PGM3: variants seen among roughly 807,000 people sequenced by gnomAD.
The protein encoded by PGM3 is phosphoglucomutase 3.
In PGM3, 40 loss-of-function variants were observed where a neutral mutation model predicts 66.2. That is an observed-to-expected ratio of 0.60 (90% CI 0.47 to 0.79). The LOEUF (loss-of-function observed/expected upper bound fraction) is 0.79, where lower values mean the gene tolerates loss of function less well. PGM3 is among the 30% of genes least tolerant of loss of function. The pLI is 0.00. For synonymous variants in PGM3, 191 were observed against 224.2 expected (o/e 0.85, Z 1.32); for missense variants, 537 against 643.4 (o/e 0.83, Z 1.79).
At position 83,168,638 on chromosome 6, in the gene PGM3, CTG is replaced by C. The variant is rs1243949960; in HGVS notation, c.*594_*595del. 9.0e-6 allele frequency: 9 copies of C among 996,646 alleles called. 1 individual carries two copies. In the Admixed American group the frequency reaches 1.7e-4, roughly 18 times the overall value. 61.7% of individuals were successfully genotyped at this position (996,646 alleles called of 1,614,324 possible). On this transcript the variant is annotated 3_prime_UTR_variant, in exon 13 of 13. Transcript: ENST00000513973. ...CTTCACCAAGAGCAGTGAAGAATAA[CTG>C]AAGGCTGGACCATGCATCCTTAAAA...
downstream of PGM3, chr6:83,158,745 A>G (rs1783450210): frequency 2.8e-6 from 2 of 712,434 alleles, no homozygotes; most frequent in Non-Finnish European, 4.6e-6. Context: ...TATCTAATTG[A>G]TTACGTTTGG....
rs371647738 is a variant in PGM3, at chr6:83,181,559, A to G, written c.787+177T>C. Among the ~76,000 whole-genome samples, 5 of 152,330 alleles carry G rather than the reference A, an allele frequency of 3.3e-5. No individual in the cohort carries two copies. In the East Asian group the frequency reaches 7.7e-4, roughly 23 times the overall value. ...ATGAGGAATGGTGTGATTTACAGGC[A>G]GAGAGAGCAGACCATGTTTCAATGG... On this transcript the variant is annotated intron_variant, in intron 6 of 12. Transcript: ENST00000513973.
At chr6:83,163,126 G>T (rs966622033), downstream of PGM3, among the ~76,000 whole-genome samples, 5 of 152,090 alleles carry the variant, frequency 3.3e-5, no homozygotes, top group Admixed American at 3.3e-4. Context: ...GGAATATGCG[G>T]TTATTCATTT....
chr6:83,152,050 T>C, the PGM3 span: 48 of 1,613,122 alleles, frequency 3.0e-5, no homozygotes, highest in Non-Finnish European at 3.8e-5. Flanking sequence ...AACATTTAGG[T>C]TTATTATCTG....
chr6:83,152,263 A>G, the PGM3 span: 19 of 1,405,760 alleles, frequency 1.4e-5, 1 homozygote, highest in South Asian at 3.9e-5. Context: ...AATTAGCCAT[A>G]TCTTTAATTT....
the PGM3 span, among the ~76,000 whole-genome samples, chr6:83,155,282 C>G: frequency 7.6e-5 from 11 of 145,078 alleles, no homozygotes; most frequent in Non-Finnish European, 1.5e-4. Flanking sequence ...GACAAAATAG[C>G]GAGACCCCAG....
Position 83,167,749 on chromosome 6 carries a change from A to G in PGM3, c.*1485T>C. 1 of 1,449,168 alleles carries G rather than the reference A, an allele frequency of 6.9e-7. No individual in the cohort carries two copies. Among genetic ancestry groups the G allele is most frequent in the Non-Finnish European group, 9.1e-7 (1 of 1,101,940 alleles). The allele number at this position is 1,449,168 out of a possible 1,614,324, so 89.8% of individuals were successfully genotyped here. On this transcript the variant is annotated 3_prime_UTR_variant, in exon 13 of 13. Transcript: ENST00000513973. ...GATCAGGTCAGGAGTTAGAAACTTA[A>G]TGTCATTTGTATTCATTTCTTGACC...
chr6:83,160,731 T>C (rs1003940107), downstream of PGM3, among the ~76,000 whole-genome samples: 2 of 152,172 alleles, frequency 1.3e-5, no homozygotes, highest in African/African-American at 4.8e-5. Context: ...GTAGTTAAGG[T>C]AATATGAGAA....
At chr6:83,162,983 A>G (rs1003439782), downstream of PGM3, 7 of 1,504,338 alleles carry the variant, frequency 4.7e-6, no homozygotes, top group Non-Finnish European at 6.3e-6. Flanking sequence ...TGAGGTATTT[A>G]TTAAATACTT....
At chr6:83,149,342 TAGTC>T in the PGM3 span, among the ~76,000 whole-genome samples, 9 of 152,236 alleles carry the variant, frequency 5.9e-5, no homozygotes, top group Non-Finnish European at 1.2e-4. Context: ...TGGGATGTCA[TAGTC>T]AGTCTCTCTT....
chr6:83,167,206 G>T lies in PGM3; in HGVS notation c.*2028C>A. On this transcript the variant is annotated 3_prime_UTR_variant, in exon 13 of 13. Transcript: ENST00000513973. ...GAACCTTTGTATATCCTGCCCAAGGGTGCCGTAAGTATGGCAGAGCCAGCA... is the reference window on the plus strand; with the variant it reads ...GAACCTTTGTATATCCTGCCCAAGGTTGCCGTAAGTATGGCAGAGCCAGCA... 1 of 902,700 alleles carries T rather than the reference G, an allele frequency of 1.1e-6. No homozygotes were observed. The highest frequency in any genetic ancestry group is 1.3e-6 in the Non-Finnish European group (1 of 754,370). The allele number at this position is 902,700 out of a possible 1,614,324, so 55.9% of individuals were successfully genotyped here.
chr6:83,151,519 C>G, the PGM3 span: 4 of 1,182,594 alleles, frequency 3.4e-6, no homozygotes, highest in East Asian at 2.4e-5. Flanking sequence ...CTTAACTCAT[C>G]GTGAGAAATT....
At chr6:83,188,210 A>G (rs749241128) in intron 3 of PGM3, among the ~76,000 whole-genome samples, 7 of 152,232 alleles carry the variant, frequency 4.6e-5, no homozygotes, top group Non-Finnish European at 8.8e-5. Context: ...CCAGCATGGG[A>G]AAATGATATA....
Position 83,167,745 on chromosome 6 carries a change from CT to C in PGM3, c.*1488del. 6.9e-7 allele frequency: 1 copy of C among 1,448,596 alleles called. No individual in the cohort carries two copies. The allele number at this position is 1,448,596 out of a possible 1,614,324, so 89.7% of individuals were successfully genotyped here. A position where few individuals can be genotyped will look rare whatever the true frequency, so the allele number is the denominator to read the frequency against. Reference sequence around the variant, plus strand: ...TTTTGATCAGGTCAGGAGTTAGAAACTTAATGTCATTTGTATTCATTTCTTG... The same window carrying C: ...TTTTGATCAGGTCAGGAGTTAGAAACTAATGTCATTTGTATTCATTTCTTG... On this transcript the variant is annotated 3_prime_UTR_variant, in exon 13 of 13. Transcript: ENST00000513973.
rs2128504331 is a variant in PGM3 at position 83,187,043 on chromosome 6, A to AT, written c.421dup (p.Ile141AsnfsTer13). On this transcript the variant is annotated frameshift_variant, in exon 4 of 13. Coordinates refer to ENST00000513973, the MANE Select transcript of PGM3 (RefSeq NM_015599.3). LOFTEE classifies it high-confidence loss of function. ...ACCTCCTAGAACAGTCACACCATCT[A>AT]TTACAGATTGTGAAAGTTTCTCACT... The AT allele has an allele frequency of 1.4e-5, 23 of 1,603,104 alleles. No individual in the cohort carries two copies. Among genetic ancestry groups the AT allele is most frequent in the Non-Finnish European group, 1.9e-5 (22 of 1,170,310 alleles).
the PGM3 span, among the ~76,000 whole-genome samples, chr6:83,151,078 CAT>C: frequency 1.1e-4 from 16 of 152,300 alleles, no homozygotes; most frequent in African/African-American, 3.9e-4. Flanking sequence ...TTTTGTTCAA[CAT>C]ATGTTTATGA....
rs778451478 is a variant in PGM3, at chr6:83,179,882, G to A, written c.873C>T (p.Gly291=). The change falls in exon 7 of 13, where the codon GGC becomes GGT. Residue 291 remains glycine (G), a synonymous_variant. Transcript: ENST00000513973. ...RIVYYYHDAD[G]HFHLIDGDKI... Reference sequence around the variant, plus strand: ...TGTCTCCATCTATGAGATGAAAGTGGCCATCTGCATCATGGTAGTAATAAA... The same window carrying A: ...TGTCTCCATCTATGAGATGAAAGTGACCATCTGCATCATGGTAGTAATAAA... 1.9e-6 allele frequency: 3 copies of A among 1,612,448 alleles called. No individual in the cohort carries two copies. Among genetic ancestry groups the A allele is most frequent in the Admixed American group, 3.3e-5 (2 of 59,938 alleles).
intron 10 of PGM3, among the ~76,000 whole-genome samples, chr6:83,172,770 G>A (rs935213533): frequency 5.9e-5 from 9 of 152,146 alleles, no homozygotes; most frequent in Admixed American, 1.3e-4. Flanking sequence ...ATGATACATC[G>A]TTTCCATGCA....
chr6:83,173,326 C>T (rs1233062668), intron 10 of PGM3, among the ~76,000 whole-genome samples: 2 of 152,154 alleles, frequency 1.3e-5, no homozygotes, highest in Non-Finnish European at 2.9e-5. Flanking sequence ...TCTTGAGAAA[C>T]TTGCCTTTAG....
Sources: gnomAD v4.1 joint callset for allele counts (sites outside exome capture counted in the v4.1 genomes callset) on GRCh38, gnomAD v4.1.1 for gene constraint, MANE v1.5 for transcripts, NCBI Gene and HGNC (gene_info 2026-07-23, HGNC 2026-07-21) for gene names.